The following WARS2 variants were observed in gnomAD, a reference collection of about 807,000 sequenced individuals.
WARS2 encodes the protein tryptophanyl tRNA synthetase 2, mitochondrial.
Under a neutral mutation model 36.5 loss-of-function variants are expected in WARS2, and 28 were observed. The ratio of observed to expected loss-of-function variants is 0.77; its 90% CI spans 0.57 to 1.05. The LOEUF (loss-of-function observed/expected upper bound fraction) is 1.05. Ranked by LOEUF, WARS2 falls within the 50% of genes least tolerant of loss-of-function variation. The pLI, the probability that WARS2 is intolerant of heterozygous loss-of-function variation, is 0.00. For synonymous variants in WARS2, 174 were observed against 178.4 expected (o/e 0.98, Z 0.20); for missense variants, 435 against 456.8 (o/e 0.95, Z 0.44).
chr1:119,109,130 A>G (rs766551505), intron 1 of WARS2, among the ~76,000 whole-genome samples: 4 of 152,118 alleles, frequency 2.6e-5, no homozygotes, highest in Non-Finnish European at 5.9e-5. Context: ...TTTATGGTTC[A>G]GAATGTGGTC....
chr1:119,120,657 A>G (rs1655270513), intron 1 of WARS2, among the ~76,000 whole-genome samples: 1 of 152,158 alleles, frequency 6.6e-6, no homozygotes, highest in Non-Finnish European at 1.5e-5. Context: ...TCTATAGCTA[A>G]CTGAATTCAA....
chr1:119,079,425 T>C (rs1652018340), intron 1 of WARS2, among the ~76,000 whole-genome samples: 3 of 152,124 alleles, frequency 2.0e-5, no homozygotes, highest in Admixed American at 2.0e-4. Context: ...ACCCTGTTCA[T>C]TTTTTGCTGC....
At chr1:119,112,723 G>A (rs1654726842) in intron 1 of WARS2, among the ~76,000 whole-genome samples, 1 of 152,204 alleles carries the variant, frequency 6.6e-6, no homozygotes, top group Admixed American at 6.5e-5. Context: ...AGAGAGTGGG[G>A]CAAGCCAATT....
chr1:119,139,424 GCTT>G (rs1196205913), intron 1 of WARS2, among the ~76,000 whole-genome samples: 1 of 152,096 alleles, frequency 6.6e-6, no homozygotes, highest in African/African-American at 2.4e-5. Context: ...CTTTGTTTTG[GCTT>G]CATAATCATG....
Position 119,034,225 on chromosome 1 carries a change from GAC to G in WARS2, c.516-14_516-13del. ...GAACGTGTGTGGACCTTTAATAAAA[GAC>G]AGACAGAAAAACAACAGCAAGGCTC... On this transcript the variant is annotated splice_polypyrimidine_tract_variant and intron_variant, in intron 4 of 5. Coordinates refer to ENST00000235521, the MANE Select transcript of WARS2 (RefSeq NM_015836.4). The G allele has an allele frequency of 1.2e-6, 2 of 1,607,068 alleles. No individual in the cohort carries two copies. Among genetic ancestry groups the G allele is most frequent in the South Asian group, 2.2e-5 (2 of 90,462 alleles).
chr1:119,104,277 C>A (rs1026062059), intron 1 of WARS2, among the ~76,000 whole-genome samples: 1 of 151,530 alleles, frequency 6.6e-6, no homozygotes, highest in Non-Finnish European at 1.5e-5. Context: ...ATCCTTTCCC[C>A]CTTATACCTA....
chr1:119,121,020 A>G (rs947765376), intron 1 of WARS2, among the ~76,000 whole-genome samples: 4 of 152,174 alleles, frequency 2.6e-5, no homozygotes, highest in African/African-American at 9.6e-5. Flanking sequence ...ATTCTATTCA[A>G]CATAATACTG....
chr1:119,112,883 G>A (rs1003634490), intron 1 of WARS2, among the ~76,000 whole-genome samples: 2 of 152,118 alleles, frequency 1.3e-5, no homozygotes, highest in African/African-American at 4.8e-5. Flanking sequence ...AGTAAGTGGG[G>A]GTTTGCTGAG....
chr1:119,116,686 T>C (rs1654993004), intron 1 of WARS2, among the ~76,000 whole-genome samples: 1 of 152,050 alleles, frequency 6.6e-6, no homozygotes, highest in African/African-American at 2.4e-5. Flanking sequence ...CTAAGTGAAA[T>C]ATAAAAGTAC....
chr1:119,078,633 G>T (rs780172098), intron 1 of WARS2, among the ~76,000 whole-genome samples: 1 of 152,090 alleles, frequency 6.6e-6, no homozygotes, highest in Non-Finnish European at 1.5e-5. Context: ...CCTATTCTAT[G>T]AAGAGCCTAT....
chr1:119,050,510 C>G (rs1305826494), intron 2 of WARS2, among the ~76,000 whole-genome samples: 2 of 151,866 alleles, frequency 1.3e-5, no homozygotes, highest in Non-Finnish European at 2.9e-5. Flanking sequence ...GCTATAGTAC[C>G]TAGGGCATGG....
rs879717193 is a variant in WARS2 at position 119,085,475 on chromosome 1, T to TC, written c.91-8869_91-8868insG. Reference sequence around the variant, plus strand: ...CTTTTTCTTTTTTTCCTTTTTGTCTTTTTTTGCGCTTTTTTGTTGGTTTTT... The same window carrying TC: ...CTTTTTCTTTTTTTCCTTTTTGTCTTCTTTTTGCGCTTTTTTGTTGGTTTTT... On this transcript the variant is annotated intron_variant, in intron 1 of 5. Transcript: ENST00000235521. 4.2e-4 allele frequency: 666 copies of TC among 1,568,292 alleles called. 1 individual carries two copies. Among genetic ancestry groups the TC allele is most frequent in the Non-Finnish European group, 5.0e-4 (583 of 1,164,564 alleles).
rs1280381011 is a variant in WARS2 at position 119,131,457 on chromosome 1, TG to T, written c.90+9097del. The stretch of plus-strand genomic sequence containing the variant: ...TGGATCCGGACTGTGCAAAGTTTTT[TG>T]TTTTTTGTTTTTTTTTTTTTTGAGA... On this transcript the variant is annotated intron_variant, in intron 1 of 5. Coordinates refer to ENST00000235521, the MANE Select transcript of WARS2 (RefSeq NM_015836.4). Among the ~76,000 whole-genome samples the T allele has an allele frequency of 2.8e-4, 38 of 135,076 alleles. 1 individual carries two copies. Among genetic ancestry groups the T allele is most frequent in the African/African-American group, 1.0e-3 (33 of 32,046 alleles). 88.6% of individuals were successfully genotyped at this position (135,076 alleles called of 152,430 possible). A position where few individuals can be genotyped will look rare whatever the true frequency, so the allele number is the denominator to read the frequency against.
At chr1:119,083,982 A>T (rs1652409213) in intron 1 of WARS2, among the ~76,000 whole-genome samples, 1 of 152,106 alleles carries the variant, frequency 6.6e-6, no homozygotes, top group African/African-American at 2.4e-5. Flanking sequence ...AGTACAAAAA[A>T]TGATATAAAA....
At chr1:119,044,656 C>A (rs1159486310) in intron 3 of WARS2, among the ~76,000 whole-genome samples, 1 of 152,160 alleles carries the variant, frequency 6.6e-6, no homozygotes, top group Non-Finnish European at 1.5e-5. Context: ...TGGTGAGGAA[C>A]CTTGTTCATG....
intron 1 of WARS2, among the ~76,000 whole-genome samples, chr1:119,114,399 G>A (rs1438948267): frequency 6.6e-6 from 1 of 152,162 alleles, no homozygotes; most frequent in Non-Finnish European, 1.5e-5. Context: ...AGGAGACTTT[G>A]TTTGTTTTCA....
chr1:119,063,709 C>G (rs1334273698), intron 2 of WARS2: 1 of 152,266 alleles, frequency 6.6e-6, no homozygotes, highest in African/African-American at 2.4e-5. Flanking sequence ...AGCCCCAAGC[C>G]TTGGCAGCTT....
chr1:119,118,496 G>T (rs1034029323), intron 1 of WARS2, among the ~76,000 whole-genome samples: 19 of 152,176 alleles, frequency 1.2e-4, no homozygotes, highest in Non-Finnish European at 2.2e-4. Context: ...TAAAAGTTAT[G>T]CAAACTTATT....
chr1:119,041,829 A>G (rs1178597794), intron 4 of WARS2, among the ~76,000 whole-genome samples: 2 of 152,204 alleles, frequency 1.3e-5, no homozygotes, highest in Non-Finnish European at 2.9e-5. Flanking sequence ...TCTGTATCCA[A>G]ACTTCCTGGA....
Sources: allele counts gnomAD v4.1 joint callset (sites outside exome capture counted in the v4.1 genomes callset), GRCh38; gene constraint gnomAD v4.1.1; transcripts MANE v1.5; gene names NCBI Gene and HGNC (gene_info 2026-07-23, HGNC 2026-07-21).